MYL6B: variants seen among roughly 807,000 people sequenced by gnomAD.
MYL6B encodes myosin alkali light chain 1 slow a.
A neutral mutation model predicts 24.5 loss-of-function variants in MYL6B; 19 were observed. The observed-to-expected ratio is 0.78, with a 90% CI of 0.54 to 1.14. The LOEUF (loss-of-function observed/expected upper bound fraction) is 1.14, where lower values mean the gene tolerates loss of function less well. MYL6B is among the 50% of genes most tolerant of loss of function. The pLI is 0.00. For synonymous variants in MYL6B, 90 were observed against 100.7 expected, an observed-to-expected ratio of 0.89 and a Z score of 0.64; for missense variants, 230 against 263.8, an observed-to-expected ratio of 0.87 and a Z score of 0.89.
rs1871406107 is a variant in MYL6B, at chr12:56,157,911, C to T, written c.*185C>T. 4.7e-6 allele frequency: 3 copies of T among 644,112 alleles called. No individual in the cohort carries two copies. In the East Asian group the frequency reaches 8.3e-5, roughly 18 times the overall value. 39.9% of individuals were successfully genotyped at this position (644,112 alleles called of 1,614,324 possible). ...AGTGGGGTCCGGACACTGGGCCCCG[C>T]AGGCGAAAGCACGTTCCAGCCACCA... On this transcript the variant is annotated 3_prime_UTR_variant, in exon 7 of 7. Transcript: ENST00000553066.
At chr12:56,155,382 T>G (rs751501007) in intron 4 of MYL6B, 37 bp from the exon 5 acceptor site, 1 of 1,613,762 alleles carries the variant, frequency 6.2e-7, no homozygotes, top group African/African-American at 1.3e-5. Flanking sequence ...TATGTAATAC[T>G]ACAATGACCT....
chr12:56,155,611 A>G lies in MYL6B; in HGVS notation c.520+19A>G. 1 of 1,611,630 alleles carries G rather than the reference A, an allele frequency of 6.2e-7. No homozygotes were observed. The highest frequency in any genetic ancestry group is 8.5e-7 in the Non-Finnish European group (1 of 1,178,882). On this transcript the variant is annotated intron_variant, in intron 5 of 6. Transcript: ENST00000553066. The stretch of plus-strand genomic sequence containing the variant: ...ACCCTTGGTGAGGCAGGCAAGGGGG[A>G]CCAGAACTCCTTTAGAGTGGAGAGG...
chr12:56,157,846 G>A, exon 7 of MYL6B: 1 of 1,260,322 alleles, frequency 7.9e-7, no homozygotes, highest in Non-Finnish European at 1.1e-6. Context: ...TGCTGCACGG[G>A]CTCCAGCGCT....
exon 6 of MYL6B, chr12:56,157,477 T>C: frequency 2.5e-6 from 4 of 1,613,356 alleles, no homozygotes; most frequent in Non-Finnish European, 3.4e-6. Context: ...GGAGAGAAGA[T>C]GACTGAGGAG....
chr12:56,155,694 G>C lies in MYL6B; in HGVS notation c.520+102G>C, dbSNP rs538749781. 1.9e-6 allele frequency: 3 copies of C among 1,585,064 alleles called. No homozygotes were observed. The African/African-American group carries it at 4.0e-5, about 21-fold the overall frequency. On this transcript the variant is annotated intron_variant, in intron 5 of 6. Coordinates refer to ENST00000553066, the Ensembl canonical transcript of MYL6B. Reference sequence around the variant, plus strand: ...AAGCAGAGCTAGCAGGAGGCTTACTGTCCTGCAGGTTGTCGGCAGGAGACT... The same window carrying C: ...AAGCAGAGCTAGCAGGAGGCTTACTCTCCTGCAGGTTGTCGGCAGGAGACT...
Position 56,157,597 on chromosome 12 carries a change from G to A in MYL6B, c.598+52G>A, listed in dbSNP as rs530105904. On this transcript the variant is annotated intron_variant, in intron 6 of 6. Coordinates refer to ENST00000553066, the Ensembl canonical transcript of MYL6B. ...GGCCGAGGGAGGAGGGCAGCCTGGCGTCTTGCCGCGTGTGGGCGGGGGCAC... is the reference window on the plus strand; with the variant it reads ...GGCCGAGGGAGGAGGGCAGCCTGGCATCTTGCCGCGTGTGGGCGGGGGCAC... The A allele has an allele frequency of 1.7e-5, 27 of 1,613,170 alleles. No individual in the cohort carries two copies. The South Asian group carries it at 2.9e-4, about 17-fold the overall frequency.
At chr12:56,154,789 C>T (rs953169417) in intron 2 of MYL6B, 24 bp from the exon 3 acceptor site, 1 of 1,609,844 alleles carries the variant, frequency 6.2e-7, no homozygotes, top group Non-Finnish European at 8.5e-7. Context: ...CTCATCTCTC[C>T]CCACCTGCTT....
chr12:56,153,584 CCACTGGCAAGCATCCTATCCT>C, intron 1 of MYL6B: 1 of 605,288 alleles, frequency 1.7e-6, no homozygotes, highest in Non-Finnish European at 2.1e-6. Context: ...CATCTCAGTG[CCACTGGCAAGCATCCTATCCT>C]CACCCTGGAG....
chr12:56,157,810 C>CAG (rs1565882317), exon 7 of MYL6B: 5 of 1,526,970 alleles, frequency 3.3e-6, no homozygotes, highest in Non-Finnish European at 4.5e-6. Flanking sequence ...CATAGAAAAG[C>CAG]AGCGGAGTTC....
At chr12:56,153,926 C>A in exon 2 of MYL6B, 1 of 1,611,914 alleles carries the variant, frequency 6.2e-7, no homozygotes, top group Non-Finnish European at 8.5e-7. Flanking sequence ...ATCATGCCTC[C>A]CAAGAAGGAT....
intron 6 of MYL6B, 67 bp from the exon 7 acceptor site, chr12:56,157,631 T>A: frequency 6.2e-7 from 1 of 1,613,196 alleles, no homozygotes; most frequent in Non-Finnish European, 8.5e-7. Flanking sequence ...ACCCCTGGAT[T>A]ACCTAGAGTC....
At position 56,157,980 on chromosome 12, in the gene MYL6B, TG is replaced by T. The variant is rs1410897028; in HGVS notation, c.*256del. ...CAAAATAAAGACTGGGTTCCTCTCT[TG>T]GTTTCAGACTGCTATTTTTTTCATG... On this transcript the variant is annotated 3_prime_UTR_variant, in exon 7 of 7. Coordinates refer to ENST00000553066, the Ensembl canonical transcript of MYL6B. The T allele has an allele frequency of 1.5e-5, 9 of 586,358 alleles. No individual in the cohort carries two copies. In the East Asian group the frequency reaches 2.3e-4, roughly 15 times the overall value. 36.3% of individuals were successfully genotyped at this position (586,358 alleles called of 1,614,324 possible).
At chr12:56,156,043 C>G (rs1248878637) in intron 5 of MYL6B, 4 of 1,093,286 alleles carry the variant, frequency 3.7e-6, no homozygotes, top group Admixed American at 4.9e-5. Context: ...TGGTGGCTCA[C>G]GCCTGTAATC....
intron 1 of MYL6B, 68 bp downstream of exon 1, chr12:56,152,699 T>TGTGTGTGTGTGTGTGTGTC (rs1257522931): frequency 6.6e-6 from 1 of 151,692 alleles, no homozygotes; most frequent in African/African-American, 2.4e-5. Flanking sequence ...AGTGTGTGTG[T>TGTGTGTGTGTGTGTGTGTC]GTGTGTGTGT....
At chr12:56,156,101 T>C (rs2136905659) in intron 5 of MYL6B, 1 of 893,124 alleles carries the variant, frequency 1.1e-6, no homozygotes, top group East Asian at 1.1e-4. Flanking sequence ...AGCTCGGGAG[T>C]TCGAGACCGG....
exon 6 of MYL6B, chr12:56,157,507 C>T (rs368259947): frequency 3.7e-6 from 6 of 1,613,884 alleles, no homozygotes; most frequent in Admixed American, 1.7e-5. Context: ...ACCGTTCTGG[C>T]AGGACACGAG....
At chr12:56,152,893 C>T (rs1448179328) in intron 1 of MYL6B, among the ~76,000 whole-genome samples, 6 of 151,930 alleles carry the variant, frequency 3.9e-5, no homozygotes, top group African/African-American at 9.7e-5. Flanking sequence ...GCCTGCAATC[C>T]CTCCCCACTC....
In MYL6B at chr12:56,155,612, C is replaced by T. The variant is rs750415175; in HGVS notation, c.520+20C>T. On this transcript the variant is annotated intron_variant, in intron 5 of 6. Transcript: ENST00000553066. ...CCCTTGGTGAGGCAGGCAAGGGGGA[C>T]CAGAACTCCTTTAGAGTGGAGAGGG... The T allele has an allele frequency of 9.3e-6, 15 of 1,611,038 alleles. No homozygotes were observed. The highest frequency in any genetic ancestry group is 1.3e-5 in the African/African-American group (1 of 74,688).
intron 1 of MYL6B, 43 bp from the exon 2 acceptor site, chr12:56,153,830 C>T (rs1871201358): frequency 1.1e-5 from 15 of 1,383,602 alleles, no homozygotes; most frequent in Non-Finnish European, 1.3e-5. Context: ...CCTGCCCCTG[C>T]CCCCGCCCCT....
Sources: gnomAD v4.1 joint callset for allele counts (sites outside exome capture counted in the v4.1 genomes callset) on GRCh38, gnomAD v4.1.1 for gene constraint, MANE v1.5 for transcripts, NCBI Gene and HGNC (gene_info 2026-07-23, HGNC 2026-07-21) for gene names.